The following CFAP221 variants were observed in gnomAD, a reference collection of about 807,000 sequenced individuals.
CFAP221 encodes the protein cilia and flagella associated protein 221, also known as cilia- and flagella-associated protein 221.
A neutral mutation model predicts 113.1 loss-of-function variants in CFAP221; 97 were observed. The observed-to-expected ratio is 0.86, with a 90% CI of 0.73 to 1.02. CFAP221 has a LOEUF of 1.02. Ranked by LOEUF, CFAP221 falls within the 50% of genes least tolerant of loss-of-function variation. The pLI is 0.00. For synonymous variants in CFAP221, 331 were observed against 354.4 expected (o/e 0.93, Z 0.74); for missense variants, 1,025 against 1,013.4 (o/e 1.01, Z -0.16).
intron 8 of CFAP221, 125 bp downstream of exon 8, chr2:119,601,502 C>A: frequency 3.4e-6 from 3 of 892,720 alleles, no homozygotes; most frequent in South Asian, 2.2e-5. Flanking sequence ...AATGATGAGC[C>A]AACATAAGAT....
In CFAP221 at chr2:119,629,973, A is replaced by T. The variant is rs774730407; in HGVS notation, c.1731+18A>T. 9.0e-6 allele frequency: 14 copies of T among 1,559,578 alleles called. No individual in the cohort carries two copies. The East Asian group carries it at 2.9e-4, about 32-fold the overall frequency. On this transcript the variant is annotated intron_variant, in intron 17 of 23. Coordinates refer to ENST00000413369, the MANE Select transcript of CFAP221 (RefSeq NM_001271049.2). ...ATCTGCAGGTCAGACCTGTCACATAAATTAATTAATTGAGTTTCTTATTAA... is the reference window on the plus strand; with the variant it reads ...ATCTGCAGGTCAGACCTGTCACATATATTAATTAATTGAGTTTCTTATTAA...
intron 7 of CFAP221, among the ~76,000 whole-genome samples, chr2:119,590,985 A>G (rs1196948058): frequency 6.6e-6 from 1 of 152,202 alleles, no homozygotes; most frequent in African/African-American, 2.4e-5. Context: ...GACCATGATG[A>G]ACAGCCTTAT....
At chr2:119,588,542 AC>A (rs1340129247) in intron 7 of CFAP221, among the ~76,000 whole-genome samples, 2 of 152,196 alleles carry the variant, frequency 1.3e-5, no homozygotes, top group Non-Finnish European at 1.5e-5. Flanking sequence ...ATAATAAAAT[AC>A]AGCATTAAGC....
intron 13 of CFAP221, among the ~76,000 whole-genome samples, chr2:119,613,173 G>A (rs918126426): frequency 5.9e-5 from 9 of 152,216 alleles, no homozygotes; most frequent in Non-Finnish European, 8.8e-5. Flanking sequence ...TTGCTCCTGT[G>A]GCTTTGCAGG....
intron 13 of CFAP221, among the ~76,000 whole-genome samples, chr2:119,612,159 T>C (rs995024879): frequency 2.0e-5 from 3 of 152,366 alleles, no homozygotes; most frequent in Middle Eastern, 3.4e-3. Flanking sequence ...ATTTGGGACC[T>C]TGGCAAGCCT....
At chr2:119,579,128 T>C (rs1294815301) in intron 6 of CFAP221, among the ~76,000 whole-genome samples, 1 of 152,124 alleles carries the variant, frequency 6.6e-6, no homozygotes, top group Non-Finnish European at 1.5e-5. Flanking sequence ...AGCCTTAGCA[T>C]AATTGATAAA....
At chr2:119,566,582 A>G (rs533632767) in intron 6 of CFAP221, among the ~76,000 whole-genome samples, 2 of 152,334 alleles carry the variant, frequency 1.3e-5, no homozygotes, top group African/African-American at 4.8e-5. Context: ...AGACATGAGC[A>G]GCCTCAACGT....
At chr2:119,619,552 G>A (rs1291198266) in intron 14 of CFAP221, among the ~76,000 whole-genome samples, 2 of 152,140 alleles carry the variant, frequency 1.3e-5, no homozygotes, top group Non-Finnish European at 2.9e-5. Flanking sequence ...ACATCAACAA[G>A]AAGGATGTCC....
chr2:119,648,162 C>T (rs956027153), intron 22 of CFAP221, among the ~76,000 whole-genome samples: 1 of 152,212 alleles, frequency 6.6e-6, no homozygotes, highest in Non-Finnish European at 1.5e-5. Flanking sequence ...AGATATACTA[C>T]CATTAATGAC....
chr2:119,630,823 T>C lies in CFAP221; in HGVS notation c.1896T>C (p.Ser632=). 1 of 1,613,940 alleles carries C rather than the reference T, an allele frequency of 6.2e-7. No individual in the cohort carries two copies. ...LPKQDSTTQL[S]GKTSVLSMKP... ...AACAGGACTCCACAACTCAGCTCTCTGGCAAAACATCAGTCTTGAGCATGA... is the reference window on the plus strand; with the variant it reads ...AACAGGACTCCACAACTCAGCTCTCCGGCAAAACATCAGTCTTGAGCATGA... The change falls in exon 19 of 24, where the codon TCT becomes TCC. Residue 632 remains serine (S), a synonymous_variant. Coordinates refer to ENST00000413369, the MANE Select transcript of CFAP221 (RefSeq NM_001271049.2).
intron 12 of CFAP221, among the ~76,000 whole-genome samples, chr2:119,609,231 A>T (rs543033704): frequency 1.3e-5 from 2 of 152,302 alleles, no homozygotes; most frequent in African/African-American, 4.8e-5. Flanking sequence ...ACAGTGGCTA[A>T]AACACAGGAT....
At chr2:119,604,064 A>G (rs1031650718) in intron 8 of CFAP221, among the ~76,000 whole-genome samples, 1 of 152,226 alleles carries the variant, frequency 6.6e-6, no homozygotes, top group African/African-American at 2.4e-5. Context: ...TTTAAATGTA[A>G]TAAATCTAGC....
At chr2:119,618,964 C>T (rs1685706610) in intron 14 of CFAP221, among the ~76,000 whole-genome samples, 1 of 152,178 alleles carries the variant, frequency 6.6e-6, no homozygotes, top group African/African-American at 2.4e-5. Flanking sequence ...GTAAACAAAG[C>T]CACCAGCAAG....
At chr2:119,584,716 A>G (rs1419390601) in intron 6 of CFAP221, among the ~76,000 whole-genome samples, 2 of 152,352 alleles carry the variant, frequency 1.3e-5, no homozygotes, top group South Asian at 2.1e-4. Context: ...TAGAAACTCA[A>G]CCTCAAAAGA....
At chr2:119,642,104 T>C (rs1012488351) in intron 21 of CFAP221, among the ~76,000 whole-genome samples, 10 of 152,198 alleles carry the variant, frequency 6.6e-5, no homozygotes, top group Non-Finnish European at 1.5e-5. Flanking sequence ...AAGAAAACTC[T>C]CGAACCATGA....
At chr2:119,572,471 C>T (rs1372610499) in intron 6 of CFAP221, 29 of 655,474 alleles carry the variant, frequency 4.4e-5, no homozygotes, top group Non-Finnish European at 7.6e-5. Context: ...ATATTAGATA[C>T]AGAAATTTTA....
chr2:119,550,604 A>G (rs908333051), intron 3 of CFAP221, among the ~76,000 whole-genome samples: 2 of 152,216 alleles, frequency 1.3e-5, no homozygotes, highest in Admixed American at 6.5e-5. Flanking sequence ...TTTGCTGTCT[A>G]TGCTGTGGTA....
intron 21 of CFAP221, among the ~76,000 whole-genome samples, chr2:119,643,835 G>A (rs562333810): frequency 1.5e-4 from 23 of 152,034 alleles, no homozygotes; most frequent in African/African-American, 4.6e-4. Flanking sequence ...GTGAGCCACC[G>A]TGACTGGCCA....
chr2:119,635,841 A>G (rs1199447293), intron 19 of CFAP221, among the ~76,000 whole-genome samples: 2 of 152,160 alleles, frequency 1.3e-5, no homozygotes. Context: ...GCTCTGAGAA[A>G]GAGGTGTCTA....
Sources: gnomAD v4.1 joint callset for allele counts (sites outside exome capture counted in the v4.1 genomes callset) on GRCh38, gnomAD v4.1.1 for gene constraint, MANE v1.5 for transcripts, NCBI Gene and HGNC (gene_info 2026-07-23, HGNC 2026-07-21) for gene names.